FAT1: variants seen among roughly 807,000 people sequenced by gnomAD.
FAT1 encodes the protein protocadherin Fat 1.
Under a neutral mutation model 329.8 loss-of-function variants are expected in FAT1, and 171 were observed. That is an observed-to-expected ratio of 0.52 (90% CI 0.46 to 0.59). The LOEUF (loss-of-function observed/expected upper bound fraction) is 0.59. FAT1 is among the 20% of genes least tolerant of loss of function. The probability of loss-of-function intolerance (pLI) is 0.00; values close to 1 mark genes in which losing one functional copy is unlikely to be tolerated. For synonymous variants in FAT1, 2,233 were observed against 2,228.6 expected, an observed-to-expected ratio of 1.00 and a Z score of -0.06; for missense variants, 5,672 against 5,774.4, an observed-to-expected ratio of 0.98 and a Z score of 0.57.
rs139944915 is a variant in FAT1, at chr4:186,619,959, C to T, written c.6627G>A (p.Pro2209=). Residue 2209 remains proline, a synonymous_variant, in exon 10 of 27, where the codon CCG becomes CCA. Coordinates refer to ENST00000441802, the MANE Select transcript of FAT1 (RefSeq NM_005245.4). ...TGCTGTAGAACACTTTCAGGCCTTCCGGGCTGTTAGCCTGCACGTGGACCA... is the reference window on the plus strand; with the variant it reads ...TGCTGTAGAACACTTTCAGGCCTTCTGGGCTGTTAGCCTGCACGTGGACCA... ...SPVVHVQANS[P]EGLKVFYSIT... is the part of the protein sequence containing the mutation. The T allele has an allele frequency of 1.1e-4, 181 of 1,613,952 alleles. 1 individual carries two copies. The African/African-American group carries it at 1.9e-3, about 17-fold the overall frequency.
intron 2 of FAT1, 142 bp downstream of exon 2, chr4:186,706,421 C>G: frequency 1.2e-6 from 1 of 860,510 alleles, no homozygotes; most frequent in Non-Finnish European, 1.8e-6. Flanking sequence ...AGCAGCCGGG[C>G]CAAAAAAAAT....
chr4:186,674,078 C>T (rs1362667209), intron 2 of FAT1, among the ~76,000 whole-genome samples: 1 of 152,188 alleles, frequency 6.6e-6, no homozygotes, highest in Non-Finnish European at 1.5e-5. Flanking sequence ...AGAAGATACG[C>T]AATTTCAGTG....
intron 21 of FAT1, among the ~76,000 whole-genome samples, chr4:186,600,694 G>A (rs1341056463): frequency 6.6e-6 from 1 of 152,194 alleles, no homozygotes; most frequent in Admixed American, 6.5e-5. Flanking sequence ...AACACATGTA[G>A]GATGTCTCTA....
chr4:186,681,794 A>G (rs1027126028), intron 2 of FAT1, among the ~76,000 whole-genome samples: 5 of 152,252 alleles, frequency 3.3e-5, no homozygotes, highest in African/African-American at 9.6e-5. Context: ...AAAACGTTTC[A>G]AAGTTTCATT....
intron 1 of FAT1, among the ~76,000 whole-genome samples, chr4:186,720,144 T>C (rs887734281): frequency 2.0e-5 from 3 of 152,228 alleles, no homozygotes; most frequent in Non-Finnish European, 2.9e-5. Context: ...CACCTAGTGG[T>C]GAAGGCTCTA....
At chr4:186,702,518 T>A (rs1050087428) in intron 2 of FAT1, among the ~76,000 whole-genome samples, 1 of 152,184 alleles carries the variant, frequency 6.6e-6, no homozygotes, top group African/African-American at 2.4e-5. Context: ...CTGTACGCAA[T>A]ACACACATCA....
intron 1 of FAT1, among the ~76,000 whole-genome samples, chr4:186,720,949 G>A (rs1202087135): frequency 1.3e-5 from 2 of 152,182 alleles, no homozygotes; most frequent in African/African-American, 2.4e-5. Context: ...CACTGCAGGT[G>A]GCTGCTCTGT....
intron 2 of FAT1, among the ~76,000 whole-genome samples, chr4:186,691,065 T>TA (rs1376426935): frequency 6.6e-6 from 1 of 152,176 alleles, no homozygotes; most frequent in African/African-American, 2.4e-5. Context: ...TCATTTGATT[T>TA]AAAAAATAAC....
chr4:186,715,154 T>C (rs934588510), intron 1 of FAT1, among the ~76,000 whole-genome samples: 1 of 147,036 alleles, frequency 6.8e-6, no homozygotes, highest in Non-Finnish European at 1.5e-5. Flanking sequence ...GCTCTGGCAC[T>C]GTTCCATCCC....
rs2126353650 is a variant in FAT1, at chr4:186,588,979, T to C, written c.13380A>G (p.Glu4460=). The C allele has an allele frequency of 6.2e-7, 1 of 1,613,956 alleles. No homozygotes were observed. ...GCATGTCTCTAGGAGGGTGGATGGA[T>C]TCAAACTGATTGCTGAATTCGGGCG... ...PLPPEFSNQF[E]SIHPPRDMPA... is the part of the protein sequence containing the mutation. Residue 4460 remains glutamate, a synonymous_variant, in exon 27 of 27, where the codon GAA becomes GAG. Coordinates refer to ENST00000441802, the MANE Select transcript of FAT1 (RefSeq NM_005245.4).
chr4:186,694,437 G>A (rs1743931933), intron 2 of FAT1, among the ~76,000 whole-genome samples: 2 of 152,188 alleles, frequency 1.3e-5, no homozygotes, highest in South Asian at 2.1e-4. Context: ...TTTAGAATCA[G>A]AGTTCCTAAG....
At position 186,603,870 on chromosome 4, in the gene FAT1, G is replaced by C. The variant is rs772997896; in HGVS notation, c.10656C>G (p.Ile3552Met). The C allele has an allele frequency of 2.5e-6, 4 of 1,613,824 alleles. No homozygotes were observed. The highest frequency in any genetic ancestry group is 3.4e-6 in the Non-Finnish European group (4 of 1,179,760). Residue 3552 changes from isoleucine to methionine, a missense_variant, in exon 19 of 27, where the codon ATC becomes ATG. Ile to Met is a conservative substitution (Grantham distance 10). Transcript: ENST00000441802. ...CTGAGTATTCTTCTCCAGAAGAGGT[G>C]ATGAAAATCTCCAGGGGCAAAATCG... is the stretch of plus-strand genomic sequence containing the variant. ...PPAILPLEIFITSSGEEYSGG... is the reference protein window; with the variant it reads ...PPAILPLEIFMTSSGEEYSGG...
intron 26 of FAT1, among the ~76,000 whole-genome samples, chr4:186,589,446 T>G (rs1263033433): frequency 6.6e-6 from 1 of 152,178 alleles, no homozygotes; most frequent in Non-Finnish European, 1.5e-5. Flanking sequence ...GACTTACAGT[T>G]TTATGTACGC....
chr4:186,650,695 G>A (rs1388293330), intron 3 of FAT1, among the ~76,000 whole-genome samples: 1 of 152,096 alleles, frequency 6.6e-6, no homozygotes, highest in Non-Finnish European at 1.5e-5. Flanking sequence ...AGAAAGAACA[G>A]TAAAAAGGCC....
Position 186,636,010 on chromosome 4 carries a change from A to G in FAT1, c.4183+15T>C. ...GTAACCCATACGGACAACGAAAATGAGGGGGAATGCTTACCAGTGATGTCA... is the reference window on the plus strand; with the variant it reads ...GTAACCCATACGGACAACGAAAATGGGGGGGAATGCTTACCAGTGATGTCA... On this transcript the variant is annotated intron_variant, in intron 6 of 26. Transcript: ENST00000441802. 1 of 1,612,544 alleles carries G rather than the reference A, an allele frequency of 6.2e-7. No individual in the cohort carries two copies. The highest frequency in any genetic ancestry group is 1.7e-5 in the Admixed American group (1 of 60,012).
At position 186,619,260 on chromosome 4, in the gene FAT1, A is replaced by C. The variant is rs2126503745; in HGVS notation, c.7326T>G (p.Ser2442Arg). ...GNDHKHFVID[S>R]ATGIITLSNL... The stretch of plus-strand genomic sequence containing the variant: ...TTGAGAGGGTGATAATCCCTGTTGC[A>C]CTGTCAATGACAAAATGTTTATGAT... The change falls in exon 10 of 27, where the codon AGT becomes AGG. Residue 2442 changes from serine to arginine, a missense_variant. Physicochemically the swap from Ser to Arg is moderately radical, Grantham distance 110. Around this residue, in one of 2 missense-constraint regions of FAT1, gnomAD observed 3,966 missense variants for 3,915.2 expected, o/e 1.01. Coordinates refer to ENST00000441802, the MANE Select transcript of FAT1 (RefSeq NM_005245.4). 1 of 1,613,998 alleles carries C rather than the reference A, an allele frequency of 6.2e-7. No homozygotes were observed. The highest frequency in any genetic ancestry group is 8.5e-7 in the Non-Finnish European group (1 of 1,179,896).
At chr4:186,679,198 G>A (rs867078595) in intron 2 of FAT1, among the ~76,000 whole-genome samples, 6 of 151,950 alleles carry the variant, frequency 3.9e-5, no homozygotes, top group African/African-American at 1.4e-4. Context: ...GGCAAACACA[G>A]AAATACAAAA....
At chr4:186,608,212 T>C (rs771264153) in intron 16 of FAT1, among the ~76,000 whole-genome samples, 4 of 152,220 alleles carry the variant, frequency 2.6e-5, no homozygotes, top group African/African-American at 7.2e-5. Context: ...TTGGTATTCA[T>C]AGACACCAAA....
At chr4:186,610,734 AT>A (rs202112595) in intron 14 of FAT1, among the ~76,000 whole-genome samples, 7 of 125,376 alleles carry the variant, frequency 5.6e-5, no homozygotes, top group Admixed American at 8.0e-5. Flanking sequence ...ATAAATATAA[AT>A]TTATATAATT....
Sources: gnomAD v4.1 joint callset for allele counts (sites outside exome capture counted in the v4.1 genomes callset) on GRCh38, gnomAD v4.1.1 for gene constraint, gnomAD v4.1.1 regional missense constraint, MANE v1.5 for transcripts, NCBI Gene and HGNC (gene_info 2026-07-23, HGNC 2026-07-21) for gene names.